Variants in ENTPD1 observed in about 807,000 individuals in gnomAD.
ENTPD1 encodes the protein ectonucleoside triphosphate diphosphohydrolase 1.
In ENTPD1, 33 loss-of-function variants were observed where a neutral mutation model predicts 57.0. The observed-to-expected ratio is 0.58, with a 90% CI of 0.44 to 0.77. ENTPD1 has a LOEUF of 0.77. Among genes scored for constraint, ENTPD1 ranks in the 30% least tolerant of loss-of-function variants. The pLI, the probability that ENTPD1 is intolerant of heterozygous loss-of-function variation, is 0.00. For missense variants in ENTPD1, 501 were observed against 603.4 expected, an observed-to-expected ratio of 0.83 and a Z score of 1.78; for synonymous variants, 202 against 218.8, an observed-to-expected ratio of 0.92 and a Z score of 0.68.
chr10:95,750,266 G>T (rs1157032954), intron 1 of ENTPD1, among the ~76,000 whole-genome samples: 3 of 152,170 alleles, frequency 2.0e-5, no homozygotes, highest in African/African-American at 7.2e-5. Flanking sequence ...GATGTGGTTT[G>T]GATATTTGTC....
In ENTPD1 at chr10:95,871,568, A is replaced by T. The variant is rs1458983784; in HGVS notation, c.*5185A>T. The T allele has an allele frequency of 3.8e-5, 37 of 985,330 alleles. No homozygotes were observed. Among genetic ancestry groups the T allele is most frequent in the Non-Finnish European group, 4.5e-5 (37 of 829,936 alleles). 61.0% of individuals were successfully genotyped at this position (985,330 alleles called of 1,614,324 possible). ...ATCAGTTTTATCACAGGTATAATGG[A>T]TTTTTCAATAGTGAGGAGGTGCCTC... On this transcript the variant is annotated 3_prime_UTR_variant, in exon 10 of 10. Transcript: ENST00000371205.
At chr10:95,756,304 A>T (rs773709216) in intron 1 of ENTPD1, 49 bp downstream of exon 1, 20 of 1,537,512 alleles carry the variant, frequency 1.3e-5, no homozygotes, top group Non-Finnish European at 1.7e-5. Context: ...AAAAAAATAG[A>T]AGGAAAAATA....
the ENTPD1 span, among the ~76,000 whole-genome samples, chr10:95,704,071 C>T: frequency 1.2e-4 from 18 of 152,208 alleles, no homozygotes; most frequent in Admixed American, 1.3e-4. Flanking sequence ...AGCCTGGCAA[C>T]AGAGCAAGAC....
intron 1 of ENTPD1, among the ~76,000 whole-genome samples, chr10:95,790,921 C>T (rs55887726): frequency 0.12 from 18,742 of 152,036 alleles, 1,239 homozygotes; most frequent in Middle Eastern, 0.2. Flanking sequence ...TTATGTGGCA[C>T]GATTTATCAA....
upstream of ENTPD1, chr10:95,755,895 G>A (rs2098021256): frequency 1.3e-6 from 2 of 1,522,316 alleles, no homozygotes; most frequent in Non-Finnish European, 1.8e-6. Context: ...GAGAGATGAA[G>A]AGGGAGGGAG....
upstream of ENTPD1, among the ~76,000 whole-genome samples, chr10:95,707,024 G>T (rs1464508003): frequency 6.6e-6 from 1 of 152,212 alleles, no homozygotes; most frequent in Non-Finnish European, 1.5e-5. Context: ...GCACCCGAGG[G>T]TGCAGGCTGC....
intron 1 of ENTPD1, among the ~76,000 whole-genome samples, chr10:95,769,912 T>C (rs2098108376): frequency 6.6e-6 from 1 of 152,070 alleles, no homozygotes; most frequent in Non-Finnish European, 1.5e-5. Context: ...GAGAAGACTG[T>C]AGGAGGAATA....
the ENTPD1 span, among the ~76,000 whole-genome samples, chr10:95,702,894 C>T: frequency 6.6e-6 from 1 of 152,178 alleles, no homozygotes; most frequent in Non-Finnish European, 1.5e-5. Context: ...CAATTCTCTG[C>T]CTCAGCCTCC....
chr10:95,802,279 G>C (rs117800263), intron 1 of ENTPD1, among the ~76,000 whole-genome samples: 1 of 152,160 alleles, frequency 6.6e-6, no homozygotes, highest in Non-Finnish European at 1.5e-5. Flanking sequence ...AAAAAGGAAT[G>C]TTCAGGTTAA....
rs542613594 is a variant in ENTPD1 at position 95,716,707 on chromosome 10, A to T, written c.37+4714A>T. On this transcript the variant is annotated intron_variant, in intron 1 of 9. Coordinates refer to the ENTPD1 transcript ENST00000453258. ...TGATGCAACGTGAGGCCCTTGTCGG[A>T]TGTGGCTTCCCAGTCTTAAACTTCC... is the stretch of plus-strand genomic sequence containing the variant. Among the ~76,000 whole-genome samples the T allele has an allele frequency of 3.3e-4, 50 of 152,252 alleles. No individual in the cohort carries two copies. In the South Asian group the frequency reaches 9.9e-3, roughly 30 times the overall value.
At chr10:95,775,207 T>A (rs1278716722) in intron 1 of ENTPD1, among the ~76,000 whole-genome samples, 2 of 152,248 alleles carry the variant, frequency 1.3e-5, no homozygotes, top group Non-Finnish European at 2.9e-5. Flanking sequence ...AAGTTGCTTA[T>A]CAGCTTAAGG....
At chr10:95,799,048 T>A (rs2098237841) in intron 1 of ENTPD1, among the ~76,000 whole-genome samples, 1 of 152,200 alleles carries the variant, frequency 6.6e-6, no homozygotes, top group Non-Finnish European at 1.5e-5. Context: ...CTATTTCACC[T>A]GATGGAATGA....
At chr10:95,710,338 G>T (rs1566083478), upstream of ENTPD1, among the ~76,000 whole-genome samples, 1 of 152,158 alleles carries the variant, frequency 6.6e-6, no homozygotes, top group Non-Finnish European at 1.5e-5. Context: ...AGAGGAGGTG[G>T]AGGTTGCAGT....
chr10:95,832,692 A>G (rs1314979732), intron 2 of ENTPD1, among the ~76,000 whole-genome samples: 1 of 152,226 alleles, frequency 6.6e-6, no homozygotes, highest in Non-Finnish European at 1.5e-5. Context: ...AGGCTCAGGG[A>G]CCAGACCACT....
chr10:95,855,259 C>T (rs2098452398), intron 7 of ENTPD1, among the ~76,000 whole-genome samples: 1 of 151,954 alleles, frequency 6.6e-6, no homozygotes. Context: ...AGGATTGCAA[C>T]CCCTGCCTTT....
chr10:95,706,883 C>T (rs1267900942), upstream of ENTPD1, among the ~76,000 whole-genome samples: 1 of 152,192 alleles, frequency 6.6e-6, no homozygotes, highest in Non-Finnish European at 1.5e-5. Flanking sequence ...CCTTCCGCCG[C>T]CATTCATGGC....
In ENTPD1 at chr10:95,869,510, A is replaced by G; in HGVS notation, c.*3127A>G. The G allele has an allele frequency of 1.0e-6, 1 of 979,242 alleles. No homozygotes were observed. Among genetic ancestry groups the G allele is most frequent in the Non-Finnish European group, 1.2e-6 (1 of 824,536 alleles). The allele number at this position is 979,242 out of a possible 1,614,324, so 60.7% of individuals were successfully genotyped here. On this transcript the variant is annotated 3_prime_UTR_variant, in exon 10 of 10. Coordinates refer to ENST00000371205, the MANE Select transcript of ENTPD1 (RefSeq NM_001776.6). ...GGTGATCCTATTGCCTCGGGCTCCC[A>G]AAGTGCTGGGATTACAGGAGTGAGC... is the stretch of plus-strand genomic sequence containing the variant.
intron 1 of ENTPD1, among the ~76,000 whole-genome samples, chr10:95,726,497 G>T (rs983693100): frequency 1.3e-5 from 2 of 152,034 alleles, no homozygotes; most frequent in Non-Finnish European, 1.5e-5. Flanking sequence ...CTTCATCTGA[G>T]ACTGTCTTAA....
rs1006111151 is a variant in ENTPD1 at position 95,873,170 on chromosome 10, C to T, written c.*6787C>T. The T allele has an allele frequency of 2.1e-4, 203 of 985,116 alleles. No homozygotes were observed. The highest frequency in any genetic ancestry group is 5.2e-4 in the Middle Eastern group (1 of 1,936). The allele number at this position is 985,116 out of a possible 1,614,324, so 61.0% of individuals were successfully genotyped here. On this transcript the variant is annotated 3_prime_UTR_variant, in exon 10 of 10. Transcript: ENST00000371205. ...ACATCTGTCCAGGAATCACACTTTG[C>T]GTATCAAAGGTCTAGATGACATTAT...
Sources: gnomAD v4.1 joint callset for allele counts (sites outside exome capture counted in the v4.1 genomes callset) on GRCh38, gnomAD v4.1.1 for gene constraint, MANE v1.5 for transcripts, NCBI Gene and HGNC (gene_info 2026-07-23, HGNC 2026-07-21) for gene names.